The following EDA variants were observed in gnomAD, a reference collection of about 807,000 sequenced individuals.
EDA encodes the protein ectodysplasin A.
A neutral mutation model predicts 23.6 loss-of-function variants in EDA; 2 were observed. That is an observed-to-expected ratio of 0.08 (90% CI 0.03 to 0.27). The LOEUF (loss-of-function observed/expected upper bound fraction) is 0.27. Ranked by LOEUF, EDA falls within the 10% of genes least tolerant of loss-of-function variation. EDA has a pLI of 1.00. For missense variants in EDA, 229 were observed against 324.2 expected, an observed-to-expected ratio of 0.71 and a Z score of 2.26; for synonymous variants, 131 against 132.0, an observed-to-expected ratio of 0.99 and a Z score of 0.05.
At chrX:69,962,049 A>C (rs1201396548) in intron 2 of EDA, among the ~76,000 whole-genome samples, 1 of 112,403 alleles carries the variant, frequency 8.9e-6, no homozygotes, top group Non-Finnish European at 1.9e-5. Flanking sequence ...GAATCAGGTA[A>C]AATGAATCCA....
intron 1 of EDA, among the ~76,000 whole-genome samples, chrX:69,698,102 T>G (rs1256130426): frequency 8.9e-6 from 1 of 112,006 alleles, no homozygotes; most frequent in Non-Finnish European, 1.9e-5. Flanking sequence ...TCAGCCCAAG[T>G]GGCAGGACCG....
At chrX:69,785,394 G>A in intron 1 of EDA, among the ~76,000 whole-genome samples, 1 of 87,529 alleles carries the variant, frequency 1.1e-5, no homozygotes, top group East Asian at 2.9e-4. Context: ...AATGCTTCCA[G>A]TTTTTGCCCA....
At chrX:69,778,343 T>C (rs749241145) in intron 1 of EDA, among the ~76,000 whole-genome samples, 3 of 111,492 alleles carry the variant, frequency 2.7e-5, no homozygotes, top group Non-Finnish European at 5.7e-5. Context: ...CTATTGGTTC[T>C]TGATTGAGAA....
At chrX:69,746,867 C>A (rs2013638514) in intron 1 of EDA, among the ~76,000 whole-genome samples, 1 of 110,939 alleles carries the variant, frequency 9.0e-6, no homozygotes, top group African/African-American at 3.3e-5. Flanking sequence ...CTGCTGCAGC[C>A]CCAATGGAAA....
chrX:69,680,405 A>G (rs1167447412), intron 1 of EDA, among the ~76,000 whole-genome samples: 1 of 46,915 alleles, frequency 2.1e-5, no homozygotes. Flanking sequence ...TGATCTGTCT[A>G]ATGTTGACAG....
chrX:69,669,816 C>T (rs186368845), intron 1 of EDA, among the ~76,000 whole-genome samples: 3 of 110,906 alleles, frequency 2.7e-5, no homozygotes, highest in Admixed American at 9.7e-5. Context: ...TCAACCCTTG[C>T]CCCCTACCCC....
intron 1 of EDA, among the ~76,000 whole-genome samples, chrX:69,802,140 G>T (rs2015704477): frequency 9.1e-6 from 1 of 109,849 alleles, no homozygotes; most frequent in African/African-American, 3.3e-5. Context: ...AATAAATTAT[G>T]GTATATTAAA....
chrX:69,618,491 T>C (rs1932060850), intron 1 of EDA, among the ~76,000 whole-genome samples: 1 of 112,210 alleles, frequency 8.9e-6, no homozygotes, highest in African/African-American at 3.2e-5. Context: ...GGAATCAGTT[T>C]CCTAGAGTTA....
At chrX:69,841,449 C>T (rs1357783356) in intron 1 of EDA, among the ~76,000 whole-genome samples, 30 of 111,824 alleles carry the variant, frequency 2.7e-4, no homozygotes, top group Non-Finnish European at 9.4e-5. Context: ...AAGTAGTTCT[C>T]CCACTTCAGC....
chrX:69,842,194 G>A (rs1404534236), intron 1 of EDA, among the ~76,000 whole-genome samples: 1 of 110,977 alleles, frequency 9.0e-6, no homozygotes, highest in Non-Finnish European at 1.9e-5. Flanking sequence ...ATTCTCATAG[G>A]AGCGCAAACC....
chrX:69,783,595 T>A (rs928943952), intron 1 of EDA, among the ~76,000 whole-genome samples: 3 of 111,248 alleles, frequency 2.7e-5, no homozygotes, highest in Admixed American at 9.6e-5. Flanking sequence ...ATTTCATCCA[T>A]GTCCCTACAA....
chrX:69,680,829 T>A (rs921005120), intron 1 of EDA, among the ~76,000 whole-genome samples: 3 of 104,155 alleles, frequency 2.9e-5, no homozygotes, highest in African/African-American at 1.1e-4. Flanking sequence ...ACATTTAAAG[T>A]TAATACTGTT....
intron 1 of EDA, among the ~76,000 whole-genome samples, chrX:69,769,754 G>A (rs960373357): frequency 1.2e-4 from 13 of 111,027 alleles, no homozygotes; most frequent in Non-Finnish European, 2.3e-4. Context: ...TATTTCTGGT[G>A]TTCTTCATTC....
At chrX:69,750,866 G>A (rs1487874766) in intron 1 of EDA, among the ~76,000 whole-genome samples, 2 of 111,430 alleles carry the variant, frequency 1.8e-5, no homozygotes, top group Non-Finnish European at 3.8e-5. Flanking sequence ...TTTTAGATGG[G>A]GTTGTTTGAT....
chrX:69,874,075 C>T (rs376831595), intron 1 of EDA, among the ~76,000 whole-genome samples: 13 of 111,849 alleles, frequency 1.2e-4, no homozygotes, highest in African/African-American at 4.2e-4. Flanking sequence ...CTTTGGGAGG[C>T]CGAGGCAGGC....
At chrX:69,793,570 GTTTTTTTT>G (rs67241807) in intron 1 of EDA, among the ~76,000 whole-genome samples, 4 of 58,780 alleles carry the variant, frequency 6.8e-5, no homozygotes, top group Non-Finnish European at 1.2e-4. Context: ...GTTTGTTTTT[GTTTTTTTT>G]TTTTTTTTTT....
chrX:69,836,237 GTCGT>G (rs1569350440), intron 1 of EDA, among the ~76,000 whole-genome samples: 1 of 112,394 alleles, frequency 8.9e-6, no homozygotes, highest in Non-Finnish European at 1.9e-5. Context: ...GAGCTCAAAC[GTCGT>G]GCTGAGAGAA....
At chrX:69,637,146 A>G (rs1361240059) in intron 1 of EDA, among the ~76,000 whole-genome samples, 1 of 111,961 alleles carries the variant, frequency 8.9e-6, no homozygotes, top group African/African-American at 3.2e-5. Context: ...GATGGGAAGA[A>G]ATACAAAAGT....
intron 1 of EDA, among the ~76,000 whole-genome samples, chrX:69,871,470 G>A (rs1029452589): frequency 1.1e-4 from 12 of 111,579 alleles, no homozygotes; most frequent in Non-Finnish European, 1.5e-4. Context: ...TCCAGTGTTC[G>A]AGGGCAGGAA....
Sources: gnomAD v4.1 joint callset for allele counts (sites outside exome capture counted in the v4.1 genomes callset) on GRCh38, gnomAD v4.1.1 for gene constraint, MANE v1.5 for transcripts, NCBI Gene and HGNC (gene_info 2026-07-23, HGNC 2026-07-21) for gene names.